SLC49A3: variants seen among roughly 807,000 people sequenced by gnomAD.
The protein encoded by SLC49A3 is solute carrier family 49 member 3.
Under a neutral mutation model 43.8 loss-of-function variants are expected in SLC49A3, and 50 were observed. That is an observed-to-expected ratio of 1.14 (90% CI 0.91 to 1.45). The LOEUF (loss-of-function observed/expected upper bound fraction) is 1.45. Among genes scored for constraint, SLC49A3 ranks in the 40% most tolerant of loss-of-function variants. SLC49A3 has a pLI of 0.00. For synonymous variants in SLC49A3, 413 were observed against 352.0 expected (o/e 1.17, Z -1.94); for missense variants, 906 against 774.1 (o/e 1.17, Z -2.02).
chr4:691,616 C>G (rs1408671139), upstream of SLC49A3, among the ~76,000 whole-genome samples: 1 of 150,720 alleles, frequency 6.6e-6, no homozygotes, highest in Non-Finnish European at 1.5e-5. Flanking sequence ...AAAAATAAAA[C>G]AAGGAAAAAA....
downstream of SLC49A3, chr4:678,954 C>T: frequency 6.2e-7 from 1 of 1,613,764 alleles, no homozygotes. Flanking sequence ...ACCTTGGTCC[C>T]CAGGCATTCA....
chr4:681,680 GCC>G, downstream of SLC49A3: 1 of 15,660 alleles, frequency 6.4e-5, no homozygotes, highest in Non-Finnish European at 1.2e-4. Flanking sequence ...CTCCAGCGCC[GCC>G]CCGCCCCCTC....
chr4:678,047 C>T (rs2109328192), downstream of SLC49A3: 4 of 1,613,130 alleles, frequency 2.5e-6, no homozygotes, highest in Middle Eastern at 1.7e-4. Context: ...GGCCGCCGTG[C>T]ATGCCTGGGG....
In SLC49A3 at chr4:686,602, T is replaced by C. The variant is rs1376855305; in HGVS notation, c.224A>G (p.Tyr75Cys). 6.2e-7 allele frequency: 1 copy of C among 1,613,228 alleles called. No homozygotes were observed. The highest frequency in any genetic ancestry group is 1.7e-5 in the Admixed American group (1 of 60,024). The change falls in exon 2 of 10, where the codon TAC (tyrosine) becomes TGC (cysteine). Residue 75 changes from tyrosine (Y) to cysteine (C), a missense_variant. Tyr to Cys is a radical substitution (Grantham distance 194). Coordinates refer to ENST00000322224, the MANE Select transcript of SLC49A3 (RefSeq NM_032219.4). ...GCCAAATGGGGTGGATACCACGAGG[T>C]AGACCAGTGACAGCCAGTTGATCTG... ...MEQINWLSLV[Y>C]LVVSTPFGVA...
At chr4:680,745 T>A (rs1739385944), downstream of SLC49A3, 1 of 766,904 alleles carries the variant, frequency 1.3e-6, no homozygotes, top group East Asian at 2.7e-5. Context: ...CCCAGCTGAG[T>A]GGGAGGCCAG....
chr4:678,346 T>C, downstream of SLC49A3: 2 of 1,415,332 alleles, frequency 1.4e-6, no homozygotes, highest in South Asian at 1.5e-5. Context: ...AGAGTCCACT[T>C]GCCCCTCAAG....
rs914861035 is a variant in SLC49A3 at position 683,592 on chromosome 4, C to T, written c.993+17G>A. The T allele has an allele frequency of 9.5e-6, 13 of 1,361,296 alleles. No individual in the cohort carries two copies. The highest frequency in any genetic ancestry group is 1.3e-5 in the Non-Finnish European group (13 of 986,642). The allele number at this position is 1,361,296 out of a possible 1,614,324, so 84.3% of individuals were successfully genotyped here. ...ACCCACCCCCACAGGGCAGTCTTGG[C>T]TTGAGGAGACCCTCACCAGGGCAAA... On this transcript the variant is annotated intron_variant, in intron 7 of 9. Transcript: ENST00000322224.
chr4:678,506 T>C (rs1239375621), downstream of SLC49A3: 4 of 1,443,844 alleles, frequency 2.8e-6, no homozygotes, highest in Non-Finnish European at 3.6e-6. Context: ...TACCCAGGCC[T>C]GAGGCTGGCA....
At chr4:678,609 G>T (rs1158186965), downstream of SLC49A3, 3 of 1,565,640 alleles carry the variant, frequency 1.9e-6, no homozygotes, top group Non-Finnish European at 2.6e-6. Context: ...TGCCCTGGAG[G>T]GTTTCGTCAG....
At position 685,692 on chromosome 4, in the gene SLC49A3, T is replaced by C. The variant is rs1416631100; in HGVS notation, c.585+143A>G. 1.2e-5 allele frequency: 10 copies of C among 838,370 alleles called. No individual in the cohort carries two copies. In the Admixed American group the frequency reaches 1.3e-4, roughly 11 times the overall value. The allele number at this position is 838,370 out of a possible 1,614,324, so 51.9% of individuals were successfully genotyped here. A position where few individuals can be genotyped will look rare whatever the true frequency, so the allele number is the denominator to read the frequency against. On this transcript the variant is annotated intron_variant, in intron 4 of 9. Coordinates refer to ENST00000322224, the MANE Select transcript of SLC49A3 (RefSeq NM_032219.4). The surrounding 1 kb of genome is among the most constrained non-coding windows in gnomAD (Gnocchi z 4.3). ...CTGCAATTCAGCCTGAGCGACAGGCTGAGACTCCTTCTCGGGTGGCGGGGC... is the reference window on the plus strand; with the variant it reads ...CTGCAATTCAGCCTGAGCGACAGGCCGAGACTCCTTCTCGGGTGGCGGGGC...
At chr4:684,625 C>T (rs955761340) in intron 5 of SLC49A3, 26 bp from the exon 6 acceptor site, 8 of 1,612,004 alleles carry the variant, frequency 5.0e-6, no homozygotes, top group Middle Eastern at 1.7e-4. Context: ...GTCTCAGCCC[C>T]GGAGCCCGGG....
At position 684,530 on chromosome 4, in the gene SLC49A3, A is replaced by G; in HGVS notation, c.793T>C (p.Phe265Leu). ...AGGATCTGCTCCAGGAGGGCTGAGAAGCTGGCAGAGATCCCGATCATTCCC... is the reference window on the plus strand; with the variant it reads ...AGGATCTGCTCCAGGAGGGCTGAGAGGCTGGCAGAGATCCCGATCATTCCC... ...LGGMIGISASFSALLEQILCA... is the reference protein window; with the variant it reads ...LGGMIGISASLSALLEQILCA... Residue 265 changes from phenylalanine to leucine, a missense_variant, in exon 6 of 10, where the codon TTC becomes CTC. By Grantham distance (22) the Phe-to-Leu change is conservative (BLOSUM62 0). Coordinates refer to ENST00000322224, the MANE Select transcript of SLC49A3 (RefSeq NM_032219.4). 1.2e-6 allele frequency: 2 copies of G among 1,613,216 alleles called. No individual in the cohort carries two copies. Among genetic ancestry groups the G allele is most frequent in the Non-Finnish European group, 1.7e-6 (2 of 1,179,944 alleles).
upstream of SLC49A3, among the ~76,000 whole-genome samples, chr4:691,282 CAAA>C (rs71166826): frequency 8.6e-6 from 1 of 115,728 alleles, no homozygotes; most frequent in African/African-American, 3.5e-5. Context: ...GACTCTGTCT[CAAA>C]AAAAAAAAAA....
Position 683,372 on chromosome 4 carries a change from G to C in SLC49A3, c.994-5C>G. ...CTGTCCCTGCAGCTGGGACACCTGG[G>C]AGCAGCGGAACGGCAGGCAGACAGG... On this transcript the variant is annotated splice_region_variant and splice_polypyrimidine_tract_variant and intron_variant, in intron 7 of 9. Transcript: ENST00000322224. 1 of 1,606,740 alleles carries C rather than the reference G, an allele frequency of 6.2e-7. No individual in the cohort carries two copies. Among genetic ancestry groups the C allele is most frequent in the Non-Finnish European group, 8.5e-7 (1 of 1,176,176 alleles).
In SLC49A3 at chr4:683,639, C is replaced by G. The variant is rs777792969; in HGVS notation, c.963G>C (p.Leu321=). The G allele has an allele frequency of 3.1e-6, 5 of 1,612,284 alleles. No homozygotes were observed. In the Admixed American group the frequency reaches 8.3e-5, roughly 27 times the overall value. Residue 321 remains leucine, a synonymous_variant, in exon 7 of 10, where the codon CTG becomes CTC. Transcript: ENST00000322224. The stretch of plus-strand genomic sequence containing the variant: ...CAAAGGGCACGCAGGCCAGAGAGAA[C>G]AGGCACAGGCCAATCTTGGTGGCCT... ...FTEATKIGLC[L]FSLACVPFAL...
downstream of SLC49A3, chr4:678,538 C>T: frequency 1.4e-6 from 2 of 1,467,902 alleles, no homozygotes; most frequent in Non-Finnish European, 1.8e-6. Context: ...TGTCTGGCCC[C>T]CTCCAGCCCG....
At chr4:687,537 A>G (rs992443073) in intron 1 of SLC49A3, among the ~76,000 whole-genome samples, 1 of 152,078 alleles carries the variant, frequency 6.6e-6, no homozygotes, top group Admixed American at 6.5e-5. Flanking sequence ...AGCCCGGGAG[A>G]GAAAGCCCAC....
In SLC49A3 at chr4:683,248, C is replaced by T. The variant is rs770286414; in HGVS notation, c.1113G>A (p.Val371=). The change falls in exon 8 of 10, where the codon GTG becomes GTA. Residue 371 remains valine, a synonymous_variant. Transcript: ENST00000322224. The part of the protein sequence containing the change: ...MELAVECSFP[V]GEGAATGMIF... ...TCATGCCTGTGGCAGCCCCCTCCCC[C>T]ACGGGGAAGGAACACTCGACCGCCA... 1 of 1,612,702 alleles carries T rather than the reference C, an allele frequency of 6.2e-7. No homozygotes were observed. The highest frequency in any genetic ancestry group is 8.5e-7 in the Non-Finnish European group (1 of 1,179,932).
At chr4:680,543 C>T, downstream of SLC49A3, 1 of 1,613,584 alleles carries the variant, frequency 6.2e-7, no homozygotes, top group Non-Finnish European at 8.5e-7. Flanking sequence ...TTAACGCCTT[C>T]AAGATGCTGG....
Sources: gnomAD v4.1 joint callset for allele counts (sites outside exome capture counted in the v4.1 genomes callset) on GRCh38, gnomAD v4.1.1 for gene constraint, Gnocchi (gnomAD v3.1) non-coding constraint, MANE v1.5 for transcripts, NCBI Gene and HGNC (gene_info 2026-07-23, HGNC 2026-07-21) for gene names.